The following TSPAN9 variants were observed in gnomAD, a reference collection of about 807,000 sequenced individuals.
TSPAN9 encodes tetraspanin-9.
In TSPAN9, 16 loss-of-function variants were observed where a neutral mutation model predicts 31.0. The ratio of observed to expected loss-of-function variants is 0.52; its 90% CI spans 0.35 to 0.78. The LOEUF is 0.78. Ranked by LOEUF, TSPAN9 falls within the 30% of genes least tolerant of loss-of-function variation. TSPAN9 has a pLI of 0.01. For synonymous variants in TSPAN9, 145 were observed against 121.6 expected, an observed-to-expected ratio of 1.19 and a Z score of -1.27; for missense variants, 272 against 312.5, an observed-to-expected ratio of 0.87 and a Z score of 0.98.
intron 3 of TSPAN9, among the ~76,000 whole-genome samples, chr12:3,238,142 A>G (rs548542323): frequency 2.2e-4 from 33 of 152,246 alleles, no homozygotes; most frequent in African/African-American, 7.5e-4. Context: ...TCTCTGGTAG[A>G]GAAGATGCAT....
In TSPAN9 at chr12:3,283,142, C is replaced by G; in HGVS notation, c.*26C>G. On this transcript the variant is annotated 3_prime_UTR_variant, in exon 9 of 9. Transcript: ENST00000011898. ...GCGGGCTGGCCGGGAGTGCCCACCC[C>G]GCCCTGCTGCCCTGTGGAGGGAAGA... is the stretch of plus-strand genomic sequence containing the variant. 1 of 1,603,540 alleles carries G rather than the reference C, an allele frequency of 6.2e-7. No homozygotes were observed. Among genetic ancestry groups the G allele is most frequent in the Non-Finnish European group, 8.5e-7 (1 of 1,178,592 alleles).
At chr12:3,208,563 C>T (rs1232704240) in intron 3 of TSPAN9, among the ~76,000 whole-genome samples, 1 of 152,214 alleles carries the variant, frequency 6.6e-6, no homozygotes, top group Non-Finnish European at 1.5e-5. Flanking sequence ...ATGTTGGATT[C>T]CACTGGGCAG....
intron 2 of TSPAN9, among the ~76,000 whole-genome samples, chr12:3,108,943 C>CTT (rs879519277): frequency 6.9e-6 from 1 of 144,210 alleles, no homozygotes; most frequent in Non-Finnish European, 1.5e-5. Flanking sequence ...AGGAAGGATT[C>CTT]TTTTTTTTTT....
chr12:3,274,958 C>T (rs560770833), intron 3 of TSPAN9, among the ~76,000 whole-genome samples: 2 of 152,246 alleles, frequency 1.3e-5, no homozygotes, highest in East Asian at 3.9e-4. Flanking sequence ...TAGGGTAGGC[C>T]GCAGATCTTT....
intron 3 of TSPAN9, among the ~76,000 whole-genome samples, chr12:3,222,894 G>A (rs1458190800): frequency 1.3e-5 from 2 of 152,060 alleles, no homozygotes; most frequent in African/African-American, 2.4e-5. Context: ...CGGAGATCCC[G>A]AGGGGGCCCT....
intron 3 of TSPAN9, among the ~76,000 whole-genome samples, chr12:3,208,653 C>T (rs1018973936): frequency 7.9e-5 from 12 of 152,142 alleles, no homozygotes; most frequent in Admixed American, 3.9e-4. Context: ...CCAGAAACAC[C>T]GTCACCCAAA....
chr12:3,270,595 G>T (rs1007634757), intron 3 of TSPAN9, among the ~76,000 whole-genome samples: 1 of 152,242 alleles, frequency 6.6e-6, no homozygotes, highest in Admixed American at 6.5e-5. Flanking sequence ...CAAACAGATG[G>T]GTAGCACTTC....
chr12:3,086,904 C>A (rs146094940), intron 2 of TSPAN9, among the ~76,000 whole-genome samples: 1 of 152,200 alleles, frequency 6.6e-6, no homozygotes, highest in African/African-American at 2.4e-5. Flanking sequence ...CTTGGAGGCA[C>A]GCCGCCTCCA....
intron 2 of TSPAN9, among the ~76,000 whole-genome samples, chr12:3,140,288 G>T (rs2098334168): frequency 6.6e-6 from 1 of 152,184 alleles, no homozygotes; most frequent in Non-Finnish European, 1.5e-5. Flanking sequence ...GAATTTGGTG[G>T]TTGGTACCAA....
intron 3 of TSPAN9, among the ~76,000 whole-genome samples, chr12:3,273,677 C>G (rs1413379687): frequency 6.6e-6 from 1 of 152,196 alleles, no homozygotes; most frequent in African/African-American, 2.4e-5. Flanking sequence ...CTCCCTCCAC[C>G]AGAGGCGGCT....
chr12:3,106,067 C>A (rs937563426), intron 2 of TSPAN9, among the ~76,000 whole-genome samples: 2 of 152,198 alleles, frequency 1.3e-5, no homozygotes, highest in Admixed American at 6.5e-5. Context: ...CTACACATAG[C>A]ATGCACACTC....
intron 2 of TSPAN9, among the ~76,000 whole-genome samples, chr12:3,175,708 G>A (rs1391317978): frequency 6.6e-6 from 1 of 152,178 alleles, no homozygotes; most frequent in Non-Finnish European, 1.5e-5. Context: ...CCTTTCTGGT[G>A]TCTTGTTTCC....
intron 3 of TSPAN9, among the ~76,000 whole-genome samples, chr12:3,249,053 A>T (rs574591116): frequency 6.6e-6 from 1 of 152,110 alleles, no homozygotes; most frequent in East Asian, 1.9e-4. Flanking sequence ...TTGTTCCCTG[A>T]TCTCCCTGTC....
chr12:3,219,192 G>A (rs1250915027), intron 3 of TSPAN9, among the ~76,000 whole-genome samples: 2 of 152,232 alleles, frequency 1.3e-5, no homozygotes, highest in East Asian at 1.9e-4. Context: ...GTCAGTCACT[G>A]TTGCCTGTGT....
intron 2 of TSPAN9, among the ~76,000 whole-genome samples, chr12:3,126,674 G>A (rs1337811948): frequency 4.6e-5 from 7 of 152,038 alleles, no homozygotes; most frequent in East Asian, 3.9e-4. Context: ...TTTGGGAGGC[G>A]GAGGCAGGAG....
At chr12:3,102,497 C>T (rs1050503064) in intron 2 of TSPAN9, among the ~76,000 whole-genome samples, 5 of 148,444 alleles carry the variant, frequency 3.4e-5, no homozygotes, top group African/African-American at 7.6e-5. Flanking sequence ...TGCAGTGGCG[C>T]GATCTCAGCT....
chr12:3,256,535 T>G (rs1862348538), intron 3 of TSPAN9, among the ~76,000 whole-genome samples: 1 of 152,230 alleles, frequency 6.6e-6, no homozygotes, highest in African/African-American at 2.4e-5. Context: ...GCCTCTAGCG[T>G]AATCGTCGAT....
chr12:3,158,054 C>T (rs1262097588), intron 2 of TSPAN9, among the ~76,000 whole-genome samples: 1 of 152,330 alleles, frequency 6.6e-6, no homozygotes, highest in Non-Finnish European at 1.5e-5. Flanking sequence ...GATCACAACA[C>T]GGGCTCCAGG....
chr12:3,246,397 C>T (rs1271682490), intron 3 of TSPAN9, among the ~76,000 whole-genome samples: 1 of 152,120 alleles, frequency 6.6e-6, no homozygotes, highest in Admixed American at 6.5e-5. Context: ...AGCTCCCCAC[C>T]CCACTCTTTG....
Sources: allele counts gnomAD v4.1 joint callset (sites outside exome capture counted in the v4.1 genomes callset), GRCh38; gene constraint gnomAD v4.1.1; transcripts MANE v1.5; gene names NCBI Gene and HGNC (gene_info 2026-07-23, HGNC 2026-07-21).